Variants in SPOCK3 observed in about 807,000 individuals in gnomAD.
The protein encoded by SPOCK3 is SPARC (osteonectin), cwcv and kazal like domains proteoglycan 3.
In SPOCK3, 30 loss-of-function variants were observed where a neutral mutation model predicts 56.6. The observed-to-expected ratio is 0.53, with a 90% CI of 0.40 to 0.72. SPOCK3 has a LOEUF of 0.72. Among genes scored for constraint, SPOCK3 ranks in the 30% least tolerant of loss-of-function variants. The probability of loss-of-function intolerance (pLI) is 0.00; values close to 1 mark genes in which losing one functional copy is unlikely to be tolerated. For synonymous variants in SPOCK3, 196 were observed against 183.3 expected (o/e 1.07, Z -0.56); for missense variants, 527 against 530.0 (o/e 0.99, Z 0.06).
intron 7 of SPOCK3, among the ~76,000 whole-genome samples, chr4:166,764,572 T>A (rs1462055021): frequency 6.6e-6 from 1 of 152,184 alleles, no homozygotes; most frequent in Non-Finnish European, 1.5e-5. Flanking sequence ...TGCCACATTT[T>A]CTTAATCCAG....
chr4:166,899,512 T>C (rs1041838051), intron 5 of SPOCK3, among the ~76,000 whole-genome samples: 1 of 143,402 alleles, frequency 7.0e-6, no homozygotes, highest in Non-Finnish European at 1.5e-5. Flanking sequence ...TTCTTTCTTT[T>C]TTTTTTTTTT....
chr4:167,071,041 A>T (rs1479382664), intron 2 of SPOCK3, among the ~76,000 whole-genome samples: 1 of 151,934 alleles, frequency 6.6e-6, no homozygotes, highest in East Asian at 1.9e-4. Context: ...TAAATAAAAT[A>T]AATAGTGTCA....
intron 6 of SPOCK3, among the ~76,000 whole-genome samples, chr4:166,810,697 T>C (rs182551576): frequency 8.1e-4 from 123 of 152,150 alleles, no homozygotes; most frequent in African/African-American, 2.8e-3. Flanking sequence ...ATTCCTAGAT[T>C]ATCATTTTTT....
At chr4:167,124,217 G>A (rs1002618440) in intron 2 of SPOCK3, among the ~76,000 whole-genome samples, 1 of 152,064 alleles carries the variant, frequency 6.6e-6, no homozygotes, top group African/African-American at 2.4e-5. Context: ...TTTTTAACCT[G>A]TCACTCCCCA....
intron 8 of SPOCK3, among the ~76,000 whole-genome samples, chr4:166,745,020 C>G (rs556473378): frequency 4.6e-5 from 7 of 152,186 alleles, no homozygotes; most frequent in South Asian, 2.1e-4. Flanking sequence ...GATTGGTGTA[C>G]GTGAAAGTGA....
chr4:166,992,003 T>A (rs1747839986), intron 4 of SPOCK3, among the ~76,000 whole-genome samples: 1 of 152,196 alleles, frequency 6.6e-6, no homozygotes, highest in Admixed American at 6.5e-5. Context: ...AGTATTAAGT[T>A]AAGTAAATTA....
chr4:167,056,384 C>T (rs1427117697), intron 3 of SPOCK3, among the ~76,000 whole-genome samples: 1 of 152,196 alleles, frequency 6.6e-6, no homozygotes, highest in Non-Finnish European at 1.5e-5. Context: ...AGTGCCTCTT[C>T]TCCTCCAAAG....
At chr4:167,117,946 C>A (rs1440319239) in intron 2 of SPOCK3, among the ~76,000 whole-genome samples, 1 of 152,156 alleles carries the variant, frequency 6.6e-6, no homozygotes, top group African/African-American at 2.4e-5. Flanking sequence ...TTTGGTAGCA[C>A]AGCAGAAAAA....
chr4:166,742,148 T>A (rs973514255), intron 8 of SPOCK3, 89 bp from the exon 9 acceptor site: 2 of 955,890 alleles, frequency 2.1e-6, no homozygotes, highest in African/African-American at 3.3e-5. Context: ...CTTAGTCTTT[T>A]TGTGCCTTTG....
At chr4:166,977,313 CTTA>C (rs963008925) in intron 4 of SPOCK3, among the ~76,000 whole-genome samples, 2 of 151,956 alleles carry the variant, frequency 1.3e-5, no homozygotes, top group African/African-American at 4.8e-5. Context: ...TTAATTCAGA[CTTA>C]TTTAGACTTA....
intron 3 of SPOCK3, among the ~76,000 whole-genome samples, chr4:167,016,917 G>A (rs944608023): frequency 1.2e-4 from 18 of 152,016 alleles, no homozygotes; most frequent in African/African-American, 4.1e-4. Flanking sequence ...CTGTCCCTAC[G>A]TAAGCTATCA....
At chr4:166,863,886 A>T (rs1731503360) in intron 6 of SPOCK3, among the ~76,000 whole-genome samples, 1 of 152,054 alleles carries the variant, frequency 6.6e-6, no homozygotes, top group Non-Finnish European at 1.5e-5. Context: ...TGAGGCAGAA[A>T]ATTAAGTAGG....
At chr4:166,880,376 C>A (rs1187124562) in intron 6 of SPOCK3, among the ~76,000 whole-genome samples, 1 of 152,162 alleles carries the variant, frequency 6.6e-6, no homozygotes, top group Non-Finnish European at 1.5e-5. Flanking sequence ...TCTTCCTTTT[C>A]TGACCCATGC....
At chr4:166,789,351 C>T (rs1023520444) in intron 7 of SPOCK3, among the ~76,000 whole-genome samples, 31 of 151,960 alleles carry the variant, frequency 2.0e-4, no homozygotes, top group African/African-American at 7.0e-4. Context: ...ATCACCTGAA[C>T]ACTGGAGGGA....
intron 2 of SPOCK3, among the ~76,000 whole-genome samples, chr4:167,206,687 G>T (rs1734368991): frequency 6.6e-6 from 1 of 151,906 alleles, no homozygotes; most frequent in South Asian, 2.1e-4. Context: ...TCCATCTTAA[G>T]ACTCAAGTAA....
At chr4:166,815,646 G>T (rs1244751072) in intron 6 of SPOCK3, among the ~76,000 whole-genome samples, 1 of 151,892 alleles carries the variant, frequency 6.6e-6, no homozygotes, top group East Asian at 1.9e-4. Flanking sequence ...TGGGCTTGGT[G>T]GTGGGCACCT....
chr4:167,124,455 CTCAGT>C (rs752935159), intron 2 of SPOCK3, among the ~76,000 whole-genome samples: 4 of 152,178 alleles, frequency 2.6e-5, no homozygotes, highest in Non-Finnish European at 4.4e-5. Flanking sequence ...ATATTTTCAT[CTCAGT>C]TAACAGAAAG....
At chr4:166,847,000 G>C (rs895291968) in intron 6 of SPOCK3, among the ~76,000 whole-genome samples, 4 of 152,042 alleles carry the variant, frequency 2.6e-5, no homozygotes, top group African/African-American at 4.8e-5. Context: ...TCAAAAAGTT[G>C]CCTTTTGACA....
intron 2 of SPOCK3, among the ~76,000 whole-genome samples, chr4:167,118,981 G>A (rs1197292778): frequency 1.3e-5 from 2 of 151,946 alleles, no homozygotes; most frequent in African/African-American, 2.4e-5. Context: ...TTCTCTCAGT[G>A]ACCAATCTCA....
Sources: gnomAD v4.1 joint callset for allele counts (sites outside exome capture counted in the v4.1 genomes callset) on GRCh38, gnomAD v4.1.1 for gene constraint, MANE v1.5 for transcripts, NCBI Gene and HGNC (gene_info 2026-07-23, HGNC 2026-07-21) for gene names.